CORIN: variants seen among roughly 807,000 people sequenced by gnomAD.
CORIN encodes the protein corin, serine peptidase, also known as atrial natriuretic peptide-converting enzyme.
Under a neutral mutation model 125.3 loss-of-function variants are expected in CORIN, and 117 were observed. The observed-to-expected ratio is 0.93, with a 90% CI of 0.80 to 1.09. The LOEUF (loss-of-function observed/expected upper bound fraction) is 1.09, where lower values mean the gene tolerates loss of function less well. CORIN is among the 50% of genes least tolerant of loss of function. The pLI, the probability that CORIN is intolerant of heterozygous loss-of-function variation, is 0.00. For synonymous variants in CORIN, 450 were observed against 466.4 expected, an observed-to-expected ratio of 0.96 and a Z score of 0.45; for missense variants, 1,253 against 1,306.7, an observed-to-expected ratio of 0.96 and a Z score of 0.63.
intron 1 of CORIN, among the ~76,000 whole-genome samples, chr4:47,821,374 TTA>T (rs897441291): frequency 6.6e-5 from 10 of 150,570 alleles, no homozygotes; most frequent in African/African-American, 2.2e-4. Flanking sequence ...TTATAGGTAC[TTA>T]TATATATATA....
chr4:47,624,023 A>C, intron 17 of CORIN, 75 bp from the exon 18 acceptor site: 1 of 1,219,938 alleles, frequency 8.2e-7, no homozygotes. Flanking sequence ...TTACCAGTGA[A>C]ATACAAGACA....
chr4:47,692,281 T>G (rs1560507705), intron 6 of CORIN, among the ~76,000 whole-genome samples: 1 of 152,244 alleles, frequency 6.6e-6, no homozygotes, highest in African/African-American at 2.4e-5. Context: ...AGTGTAATTG[T>G]TTTCTTTTTT....
chr4:47,774,655 T>C (rs1730209916), intron 3 of CORIN, among the ~76,000 whole-genome samples: 1 of 152,156 alleles, frequency 6.6e-6, no homozygotes, highest in Non-Finnish European at 1.5e-5. Context: ...AGGGAGCAAG[T>C]AGACTCTTCC....
At chr4:47,671,336 G>C (rs576145690) in intron 10 of CORIN, among the ~76,000 whole-genome samples, 2 of 152,200 alleles carry the variant, frequency 1.3e-5, no homozygotes, top group South Asian at 2.1e-4. Flanking sequence ...TTTTCCTTTG[G>C]CATCAAGCAG....
chr4:47,799,221 A>T (rs910096041), intron 2 of CORIN, among the ~76,000 whole-genome samples: 2 of 151,066 alleles, frequency 1.3e-5, no homozygotes, highest in African/African-American at 4.9e-5. Flanking sequence ...TGTTATTGTG[A>T]ATAGTGCTGC....
intron 1 of CORIN, among the ~76,000 whole-genome samples, chr4:47,832,427 CTTTCTTTCT>C (rs1278657865): frequency 2.1e-4 from 31 of 146,620 alleles, no homozygotes; most frequent in African/African-American, 7.2e-4. Context: ...TCTTTTCTTT[CTTTCTTTCT>C]TTTCTTTTCT....
Position 47,788,863 on chromosome 4 carries a change from G to T in CORIN, c.209-1938C>A, listed in dbSNP as rs546349324. On this transcript the variant is annotated intron_variant, in intron 2 of 21. Coordinates refer to ENST00000273857, the MANE Select transcript of CORIN (RefSeq NM_006587.4). ...CAATTGTTCACGGTTGTACCCTGGA[G>T]TAATTCCCTTAAAATTAGTTCCTTC... 7.2e-3 allele frequency among the ~76,000 whole-genome samples: 1,096 copies of T among 152,304 alleles called. 11 individuals are homozygous for T. The highest frequency in any genetic ancestry group is 0.011 in the Non-Finnish European group (782 of 68,028).
chr4:47,700,392 C>T (rs1005474664), intron 5 of CORIN, among the ~76,000 whole-genome samples: 1 of 152,122 alleles, frequency 6.6e-6, no homozygotes, highest in Non-Finnish European at 1.5e-5. Context: ...GGATTCAACG[C>T]TGTTACATCA....
chr4:47,603,599 C>T lies in CORIN; in HGVS notation c.2610G>A (p.Met870Ile), dbSNP rs1721533202. Residue 870 changes from methionine (M) to isoleucine (I), a missense_variant, in exon 20 of 22, where the codon ATG becomes ATA. Physicochemically the swap from Met to Ile is conservative, Grantham distance 10. Coordinates refer to ENST00000273857, the MANE Select transcript of CORIN (RefSeq NM_006587.4). ...TGATGGTCTTCACAAAGCGTGTCTG[C>T]ATGAACACTGATGGATGGTCTAGAT... ...INNLDHPSVF[M>I]QTRFVKTIIL... The T allele has an allele frequency of 2.5e-6, 4 of 1,614,200 alleles. No individual in the cohort carries two copies. Among genetic ancestry groups the T allele is most frequent in the Middle Eastern group, 1.6e-4 (1 of 6,062 alleles).
chr4:47,756,658 T>C (rs1253205046), intron 4 of CORIN, among the ~76,000 whole-genome samples: 4 of 152,102 alleles, frequency 2.6e-5, no homozygotes, highest in Admixed American at 6.5e-5. Flanking sequence ...ATTTTTTTTA[T>C]AAAATTGCTC....
At chr4:47,792,381 G>C (rs939509576) in intron 2 of CORIN, among the ~76,000 whole-genome samples, 4 of 152,190 alleles carry the variant, frequency 2.6e-5, no homozygotes, top group African/African-American at 9.7e-5. Flanking sequence ...TTTGGCAGCA[G>C]GGTGACGTTT....
intron 12 of CORIN, among the ~76,000 whole-genome samples, chr4:47,658,592 G>A (rs761850540): frequency 3.3e-5 from 5 of 152,258 alleles, no homozygotes; most frequent in Non-Finnish European, 7.3e-5. Context: ...CAGCCTGGAT[G>A]CAGGGAGCAG....
chr4:47,653,412 G>A, intron 13 of CORIN, 141 bp downstream of exon 13: 4 of 693,548 alleles, frequency 5.8e-6, no homozygotes, highest in Non-Finnish European at 9.9e-6. Flanking sequence ...ATGCCATACT[G>A]TTCAATAATT....
At chr4:47,703,298 A>C (rs1299847014) in intron 5 of CORIN, among the ~76,000 whole-genome samples, 1 of 152,168 alleles carries the variant, frequency 6.6e-6, no homozygotes, top group Non-Finnish European at 1.5e-5. Context: ...GGGAAAACCT[A>C]GCTACTTCTG....
chr4:47,701,523 T>C (rs1157149906), intron 5 of CORIN, among the ~76,000 whole-genome samples: 1 of 152,152 alleles, frequency 6.6e-6, no homozygotes, highest in East Asian at 1.9e-4. Context: ...TTCTAAAACA[T>C]TGTCAAGAAA....
intron 2 of CORIN, among the ~76,000 whole-genome samples, chr4:47,789,494 A>G (rs535942202): frequency 6.6e-6 from 1 of 152,176 alleles, no homozygotes; most frequent in Non-Finnish European, 1.5e-5. Context: ...GAAAGATAAT[A>G]TTTGAGAGGT....
intron 2 of CORIN, 93 bp downstream of exon 2, chr4:47,806,810 T>C (rs530654492): frequency 7.6e-7 from 1 of 1,312,062 alleles, no homozygotes; most frequent in South Asian, 1.7e-5. Flanking sequence ...GACTGACACT[T>C]TGGGTTAAAT....
At position 47,786,769 on chromosome 4, in the gene CORIN, G is replaced by A; in HGVS notation, c.365C>T (p.Thr122Ile). 1.2e-6 allele frequency: 2 copies of A among 1,614,186 alleles called. No homozygotes were observed. Among genetic ancestry groups the A allele is most frequent in the East Asian group, 2.2e-5 (1 of 44,884 alleles). ...AHPDQHVPAWTTDASLPGDQS... is the reference protein window; with the variant it reads ...AHPDQHVPAWITDASLPGDQS... ...GTCCCCTGGGAGAGAAGCATCCGTA[G>A]TCCAGGCTGGAACGTGTTGGTCGGG... The change falls in exon 3 of 22, where the codon ACT (threonine) becomes ATT (isoleucine). Residue 122 changes from threonine (T) to isoleucine (I), a missense_variant. Transcript: ENST00000273857.
At chr4:47,710,252 T>A (rs1187238929) in intron 5 of CORIN, among the ~76,000 whole-genome samples, 1 of 152,242 alleles carries the variant, frequency 6.6e-6, no homozygotes, top group Non-Finnish European at 1.5e-5. Flanking sequence ...TTGGTCCATC[T>A]GAAGTTCACG....
Sources: gnomAD v4.1 joint callset for allele counts (sites outside exome capture counted in the v4.1 genomes callset) on GRCh38, gnomAD v4.1.1 for gene constraint, MANE v1.5 for transcripts, NCBI Gene and HGNC (gene_info 2026-07-23, HGNC 2026-07-21) for gene names.